Variants in ABCA13 observed in about 807,000 individuals in gnomAD.
ABCA13 encodes the protein ATP-binding cassette sub-family A member 13.
Under a neutral mutation model 478.7 loss-of-function variants are expected in ABCA13, and 476 were observed. The ratio of observed to expected loss-of-function variants is 0.99; its 90% confidence interval spans 0.92 to 1.07. ABCA13 has a LOEUF of 1.07. Among genes scored for constraint, ABCA13 ranks in the 50% least tolerant of loss-of-function variants. ABCA13 has a pLI of 0.00. For synonymous variants in ABCA13, 2,252 were observed against 2,158.9 expected (o/e 1.04, Z -1.20); for missense variants, 6,060 against 5,910.6 (o/e 1.03, Z -0.83).
In ABCA13 at chr7:48,372,255, A is replaced by C; in HGVS notation, c.10891A>C (p.Thr3631Pro). ...GGCTGTGTTGACCATAAGCAGTGCTACTCTGGCCATCGTTCTGAAAACAAG... is the reference window on the plus strand; with the variant it reads ...GGCTGTGTTGACCATAAGCAGTGCTCCTCTGGCCATCGTTCTGAAAACAAG... Reference protein sequence around the residue: ...NMAVLTISSATLAIVLKTSGI... With the variant: ...NMAVLTISSAPLAIVLKTSGI... Residue 3631 changes from threonine (T) to proline (P), a missense_variant, in exon 33 of 62, where the codon ACT becomes CCT. Thr to Pro is a conservative substitution (Grantham distance 38). Coordinates refer to ENST00000435803, the MANE Select transcript of ABCA13 (RefSeq NM_152701.5). 6.2e-7 allele frequency: 1 copy of C among 1,613,836 alleles called. No homozygotes were observed. Among genetic ancestry groups the C allele is most frequent in the South Asian group, 1.1e-5 (1 of 91,070 alleles).
At chr7:48,352,954 A>C (rs1283292390) in intron 31 of ABCA13, among the ~76,000 whole-genome samples, 1 of 151,950 alleles carries the variant, frequency 6.6e-6, no homozygotes, top group Non-Finnish European at 1.5e-5. Flanking sequence ...GAGAACATTT[A>C]GGAGTTTGAT....
At chr7:48,365,302 T>C (rs1811502172) in intron 31 of ABCA13, among the ~76,000 whole-genome samples, 1 of 152,138 alleles carries the variant, frequency 6.6e-6, no homozygotes, top group Admixed American at 6.6e-5. Context: ...GTTTCTTGTA[T>C]ATTCAGGCTA....
At chr7:48,218,455 G>A (rs1043762727) in intron 3 of ABCA13, among the ~76,000 whole-genome samples, 8 of 152,172 alleles carry the variant, frequency 5.3e-5, no homozygotes, top group African/African-American at 7.2e-5. Flanking sequence ...GGCCAAAGTG[G>A]GAGGATCACT....
chr7:48,420,689 G>T (rs1214965106), intron 41 of ABCA13, among the ~76,000 whole-genome samples: 1 of 150,912 alleles, frequency 6.6e-6, no homozygotes, highest in Non-Finnish European at 1.5e-5. Flanking sequence ...ATCCTACACA[G>T]CATTAAGAGG....
intron 55 of ABCA13, among the ~76,000 whole-genome samples, chr7:48,532,153 A>C (rs926230179): frequency 1.3e-5 from 2 of 152,064 alleles, no homozygotes; most frequent in African/African-American, 4.8e-5. Flanking sequence ...GATGGCTTTT[A>C]ATACCTTAAG....
At chr7:48,323,406 T>C (rs952278552) in intron 27 of ABCA13, among the ~76,000 whole-genome samples, 1 of 152,150 alleles carries the variant, frequency 6.6e-6, no homozygotes, top group Non-Finnish European at 1.5e-5. Flanking sequence ...GGAGATAGAG[T>C]AGACTGTATG....
chr7:48,276,548 T>C lies in ABCA13; in HGVS notation c.6882T>C (p.Asp2294=). 1.9e-6 allele frequency: 3 copies of C among 1,611,716 alleles called. No individual in the cohort carries two copies. Among genetic ancestry groups the C allele is most frequent in the Non-Finnish European group, 1.7e-6 (2 of 1,179,490 alleles). ...ISLLLKYFHK[D]VIAEMSFVPK... is the part of the protein sequence containing the mutation. Reference sequence around the variant, plus strand: ...TTCTGCTGAAATATTTCCACAAAGATGTTATTGCAGAGATGAGGTGAGTAT... The same window carrying C: ...TTCTGCTGAAATATTTCCACAAAGACGTTATTGCAGAGATGAGGTGAGTAT... The change falls in exon 17 of 62, where the codon GAT becomes GAC. Residue 2294 remains aspartate, a synonymous_variant. Coordinates refer to ENST00000435803, the MANE Select transcript of ABCA13 (RefSeq NM_152701.5).
chr7:48,412,621 C>G (rs1282873948), intron 41 of ABCA13, 38 bp downstream of exon 41: 2 of 1,530,940 alleles, frequency 1.3e-6, no homozygotes, highest in African/African-American at 2.8e-5. Context: ...ATTATTTATG[C>G]CTTTTTGACC....
At chr7:48,386,508 A>G (rs1257152931) in intron 35 of ABCA13, among the ~76,000 whole-genome samples, 5 of 152,240 alleles carry the variant, frequency 3.3e-5, no homozygotes, top group Non-Finnish European at 5.9e-5. Flanking sequence ...TACAGTAACC[A>G]TAACAGCATG....
At chr7:48,297,353 A>G (rs1799523754) in intron 22 of ABCA13, 42 bp downstream of exon 22, 6 of 1,506,244 alleles carry the variant, frequency 4.0e-6, no homozygotes, top group Non-Finnish European at 5.4e-6. Context: ...TAAAAATTAA[A>G]TTTAGTTTCT....
intron 58 of ABCA13, among the ~76,000 whole-genome samples, chr7:48,596,778 T>A (rs546431419): frequency 2.0e-5 from 3 of 150,118 alleles, no homozygotes; most frequent in East Asian, 2.0e-4. Flanking sequence ...AGCCTGGGCG[T>A]CAGAGCAAGA....
chr7:48,210,684 C>T (rs1785523419), intron 3 of ABCA13, among the ~76,000 whole-genome samples: 1 of 151,738 alleles, frequency 6.6e-6, no homozygotes, highest in Non-Finnish European at 1.5e-5. Flanking sequence ...TAGTTTTATT[C>T]CACTGTGGTC....
At chr7:48,292,600 C>T (rs184146119) in intron 20 of ABCA13, among the ~76,000 whole-genome samples, 65 of 152,318 alleles carry the variant, frequency 4.3e-4, no homozygotes, top group African/African-American at 1.5e-3. Context: ...TCTGCCCTCC[C>T]CGGCACTCTC....
chr7:48,366,208 C>T (rs541420636), intron 31 of ABCA13, among the ~76,000 whole-genome samples: 9 of 152,180 alleles, frequency 5.9e-5, no homozygotes, highest in Middle Eastern at 3.4e-3. Context: ...CACTGTGACC[C>T]GTGTTCTGCT....
At chr7:48,587,059 A>G in intron 56 of ABCA13, 95 bp from the exon 57 acceptor site, 3 of 1,525,060 alleles carry the variant, frequency 2.0e-6, no homozygotes, top group South Asian at 2.4e-5. Context: ...CGGCAGGGTT[A>G]GTGGGAGGTA....
chr7:48,311,671 A>G (rs950017126), intron 24 of ABCA13, among the ~76,000 whole-genome samples: 4 of 152,190 alleles, frequency 2.6e-5, no homozygotes, highest in African/African-American at 9.6e-5. Context: ...TGAAAATGAC[A>G]TCATCATTAA....
intron 11 of ABCA13, 115 bp downstream of exon 11, chr7:48,244,818 G>T: frequency 7.9e-7 from 1 of 1,260,796 alleles, no homozygotes; most frequent in Non-Finnish European, 1.1e-6. Flanking sequence ...TAACTTTGCT[G>T]GTGTCATATG....
intron 12 of ABCA13, 121 bp downstream of exon 12, chr7:48,245,733 G>T: frequency 7.0e-7 from 1 of 1,435,130 alleles, no homozygotes; most frequent in Non-Finnish European, 9.4e-7. Context: ...CAATATGCAG[G>T]TTTTTCAAAA....
At chr7:48,558,604 T>A (rs1786115894) in intron 55 of ABCA13, among the ~76,000 whole-genome samples, 1 of 152,078 alleles carries the variant, frequency 6.6e-6, no homozygotes, top group Non-Finnish European at 1.5e-5. Flanking sequence ...AGGAATCAAA[T>A]GTATTTTTCG....
Sources: allele counts gnomAD v4.1 joint callset (sites outside exome capture counted in the v4.1 genomes callset), GRCh38; gene constraint gnomAD v4.1.1; transcripts MANE v1.5; gene names NCBI Gene and HGNC (gene_info 2026-07-23, HGNC 2026-07-21).